The following NEGR1 variants were observed in gnomAD, a reference collection of about 807,000 sequenced individuals.
NEGR1 encodes neuronal growth regulator 1.
In NEGR1, 10 loss-of-function variants were observed where a neutral mutation model predicts 40.9. That is an observed-to-expected ratio of 0.24 (90% CI 0.15 to 0.42). The LOEUF is 0.42. Among genes scored for constraint, NEGR1 ranks in the 10% least tolerant of loss-of-function variants. NEGR1 has a pLI of 1.00. For missense variants in NEGR1, 352 were observed against 438.9 expected, an observed-to-expected ratio of 0.80 and a Z score of 1.77; for synonymous variants, 185 against 166.8, an observed-to-expected ratio of 1.11 and a Z score of -0.84.
rs191405086 is a variant in NEGR1, at chr1:71,490,335, C to T, written c.941-82765G>A. ...TATGAAATCTCATGACTCTTTACAT[C>T]GAGTGCTTATGACAACATGCTACAG... On this transcript the variant is annotated intron_variant, in intron 6 of 6. Transcript: ENST00000357731. Among the ~76,000 whole-genome samples the T allele has an allele frequency of 3.4e-3, 512 of 152,006 alleles. 10 individuals carry two copies. Among genetic ancestry groups the T allele is most frequent in the Non-Finnish European group, 7.2e-4 (49 of 67,912 alleles).
chr1:71,406,324 GTCCACAGGAGC>G lies in NEGR1; in HGVS notation c.*1111_*1121del. ...GATGGAAAATATGCAAAATGCTCCT[GTCCACAGGAGC>G]ACTGCCTCTGTCATACTAACTTAGC... On this transcript the variant is annotated 3_prime_UTR_variant, in exon 7 of 7. Coordinates refer to ENST00000357731, the MANE Select transcript of NEGR1 (RefSeq NM_173808.3). 6.6e-6 allele frequency: 1 copy of G among 151,978 alleles called. No homozygotes were observed. Among genetic ancestry groups the G allele is most frequent in the South Asian group, 2.1e-4 (1 of 4,834 alleles). The allele number at this position is 151,978 out of a possible 1,614,324, so 9.4% of individuals were successfully genotyped here.
intron 2 of NEGR1, among the ~76,000 whole-genome samples, chr1:71,896,617 C>T (rs143856624): frequency 6.6e-6 from 1 of 152,220 alleles, no homozygotes; most frequent in African/African-American, 2.4e-5. Context: ...AAACCATTGC[C>T]TAAGCTAAGG....
chr1:72,203,850 C>T (rs961618637), intron 1 of NEGR1, among the ~76,000 whole-genome samples: 3 of 152,078 alleles, frequency 2.0e-5, no homozygotes, highest in Non-Finnish European at 2.9e-5. Flanking sequence ...ACGATTATGA[C>T]TTATTGAAGG....
At chr1:71,705,200 G>C (rs1557620956) in intron 3 of NEGR1, among the ~76,000 whole-genome samples, 1 of 152,022 alleles carries the variant, frequency 6.6e-6, no homozygotes, top group Non-Finnish European at 1.5e-5. Flanking sequence ...TGAAGGCAAG[G>C]TTATCTACTC....
chr1:71,802,959 A>G (rs1194329457), intron 2 of NEGR1, among the ~76,000 whole-genome samples: 2 of 152,094 alleles, frequency 1.3e-5, no homozygotes. Flanking sequence ...ATGGGTTAAG[A>G]CTTTTGGTGC....
At chr1:71,558,722 CTTT>C (rs34141206) in intron 6 of NEGR1, among the ~76,000 whole-genome samples, 1 of 134,304 alleles carries the variant, frequency 7.4e-6, no homozygotes, top group African/African-American at 2.8e-5. Context: ...TCTTTTCTTT[CTTT>C]TTTTTTTTTT....
intron 2 of NEGR1, among the ~76,000 whole-genome samples, chr1:71,927,744 C>G (rs1645788366): frequency 7.4e-6 from 1 of 135,456 alleles, no homozygotes; most frequent in African/African-American, 2.7e-5. Flanking sequence ...CTTTGGGAGG[C>G]TGGCCGAGGT....
At chr1:71,909,200 TTAAGAGAAGG>T (rs1357026456) in intron 2 of NEGR1, among the ~76,000 whole-genome samples, 1 of 152,186 alleles carries the variant, frequency 6.6e-6, no homozygotes, top group Non-Finnish European at 1.5e-5. Context: ...GAGAGTACTT[TTAAGAGAAGG>T]CATTGCTTCC....
intron 6 of NEGR1, among the ~76,000 whole-genome samples, chr1:71,479,390 C>T (rs114207378): frequency 0.011 from 1,727 of 152,042 alleles, 32 homozygotes; most frequent in African/African-American, 0.04. Flanking sequence ...AATCAGAAAA[C>T]CAGCATCCCA....
chr1:71,907,331 A>T (rs1661304806), intron 2 of NEGR1, among the ~76,000 whole-genome samples: 1 of 152,182 alleles, frequency 6.6e-6, no homozygotes, highest in African/African-American at 2.4e-5. Context: ...GAATATAACT[A>T]TTGTTGGAAA....
chr1:71,410,831 T>A (rs1388841923), intron 6 of NEGR1, among the ~76,000 whole-genome samples: 1 of 152,164 alleles, frequency 6.6e-6, no homozygotes, highest in African/African-American at 2.4e-5. Flanking sequence ...TGGATCTTCT[T>A]AGCAGGTCAA....
chr1:72,143,911 TATA>T (rs1280308178), intron 1 of NEGR1, among the ~76,000 whole-genome samples: 47 of 62,044 alleles, frequency 7.6e-4, no homozygotes, highest in African/African-American at 2.9e-3. Context: ...ATATGATATA[TATA>T]ATATATATAT....
intron 5 of NEGR1, among the ~76,000 whole-genome samples, chr1:71,604,978 G>C (rs1446318897): frequency 6.6e-6 from 1 of 151,934 alleles, no homozygotes; most frequent in Non-Finnish European, 1.5e-5. Flanking sequence ...CTAGTATATC[G>C]ATAATTTTAA....
intron 1 of NEGR1, among the ~76,000 whole-genome samples, chr1:72,133,500 C>T (rs1043770570): frequency 1.3e-5 from 2 of 151,980 alleles, no homozygotes; most frequent in Non-Finnish European, 2.9e-5. Context: ...AAACACTTCA[C>T]TCAGATCTAT....
chr1:71,749,378 T>C (rs1392319562), intron 3 of NEGR1, among the ~76,000 whole-genome samples: 1 of 152,224 alleles, frequency 6.6e-6, no homozygotes, highest in Admixed American at 6.5e-5. Flanking sequence ...AAACCTCAGT[T>C]GTTATTTTTC....
rs372802986 is a variant in NEGR1 at position 72,019,567 on chromosome 1, A to G, written c.177-84256T>C. The stretch of plus-strand genomic sequence containing the variant: ...ACAGGAATGAACCCTTGATCAGATC[A>G]ATGAATTGATTTCAACCAAGTAGAA... On this transcript the variant is annotated intron_variant, in intron 1 of 6. Transcript: ENST00000357731. Among the ~76,000 whole-genome samples, 6 of 152,330 alleles carry G rather than the reference A, an allele frequency of 3.9e-5. No homozygotes were observed. The South Asian group carries it at 8.3e-4, about 21-fold the overall frequency.
intron 1 of NEGR1, among the ~76,000 whole-genome samples, chr1:72,245,869 AC>A (rs1654885887): frequency 6.6e-6 from 1 of 152,176 alleles, no homozygotes; most frequent in Non-Finnish European, 1.5e-5. Flanking sequence ...AGTACTCTTA[AC>A]AAAAGTTTCA....
chr1:71,998,708 TAAATATATTC>T, intron 1 of NEGR1, among the ~76,000 whole-genome samples: 1 of 151,572 alleles, frequency 6.6e-6, no homozygotes, highest in Middle Eastern at 3.4e-3. Context: ...TATAGAGATA[TAAATATATTC>T]ATATATATTA....
intron 4 of NEGR1, among the ~76,000 whole-genome samples, chr1:71,641,572 T>C (rs1363334008): frequency 6.6e-6 from 1 of 152,002 alleles, no homozygotes; most frequent in Non-Finnish European, 1.5e-5. Context: ...GGCACATTCA[T>C]TCCATTTCTT....
Sources: gnomAD v4.1 joint callset for allele counts (sites outside exome capture counted in the v4.1 genomes callset) on GRCh38, gnomAD v4.1.1 for gene constraint, MANE v1.5 for transcripts, NCBI Gene and HGNC (gene_info 2026-07-23, HGNC 2026-07-21) for gene names.